Variants in TBC1D4 observed in about 807,000 individuals in gnomAD.
TBC1D4 encodes the protein TBC (Tre-2, BUB2, CDC16) domain-containing protein.
A neutral mutation model predicts 142.5 loss-of-function variants in TBC1D4; 121 were observed. The ratio of observed to expected loss-of-function variants is 0.85; its 90% CI spans 0.73 to 0.99. The LOEUF (loss-of-function observed/expected upper bound fraction) is 0.99. Ranked by LOEUF, TBC1D4 falls within the 50% of genes least tolerant of loss-of-function variation. The pLI is 0.00. For synonymous variants in TBC1D4, 630 were observed against 628.2 expected (o/e 1.00, Z -0.04); for missense variants, 1,475 against 1,606.6 (o/e 0.92, Z 1.40).
At chr13:75,407,287 A>C (rs531662782) in intron 1 of TBC1D4, among the ~76,000 whole-genome samples, 5 of 152,334 alleles carry the variant, frequency 3.3e-5, no homozygotes, top group African/African-American at 1.2e-4. Flanking sequence ...CTAATAGACC[A>C]AGAGTTCTTT....
At chr13:75,424,100 A>C (rs117045933) in intron 1 of TBC1D4, among the ~76,000 whole-genome samples, 298 of 152,254 alleles carry the variant, frequency 2.0e-3, no homozygotes, top group Non-Finnish European at 3.6e-3. Context: ...TTATCTCTAC[A>C]AAACAATTTA....
intron 16 of TBC1D4, among the ~76,000 whole-genome samples, chr13:75,300,220 G>T (rs1360178521): frequency 6.6e-6 from 1 of 152,034 alleles, no homozygotes; most frequent in East Asian, 1.9e-4. Flanking sequence ...GGAAAATAAA[G>T]GGTCAAGTCA....
intron 12 of TBC1D4, among the ~76,000 whole-genome samples, chr13:75,319,453 T>C (rs9573522): frequency 0.32 from 48,439 of 152,108 alleles, 8,867 homozygotes; most frequent in Non-Finnish European, 0.42. Context: ...AACACAGATG[T>C]GGTCAAACTT....
chr13:75,363,911 A>C (rs1479963974), intron 1 of TBC1D4, among the ~76,000 whole-genome samples: 1 of 152,240 alleles, frequency 6.6e-6, no homozygotes. Context: ...TTATTTTGCC[A>C]AGGTTAAGGG....
At chr13:75,380,131 G>A (rs1442383084) in intron 1 of TBC1D4, among the ~76,000 whole-genome samples, 8 of 150,794 alleles carry the variant, frequency 5.3e-5, no homozygotes, top group African/African-American at 1.5e-4. Flanking sequence ...CACCCGCCTC[G>A]GCTTCCCAAA....
intron 1 of TBC1D4, among the ~76,000 whole-genome samples, chr13:75,444,101 A>G (rs1162268092): frequency 1.3e-5 from 2 of 152,172 alleles, no homozygotes; most frequent in Admixed American, 6.5e-5. Flanking sequence ...GGAAAAATGT[A>G]GCTGTAAGAA....
chr13:75,345,904 G>GT (rs900650812), intron 5 of TBC1D4, among the ~76,000 whole-genome samples: 20 of 152,114 alleles, frequency 1.3e-4, no homozygotes, highest in African/African-American at 3.9e-4. Flanking sequence ...TAAAACTTCT[G>GT]TTTTGTATTA....
chr13:75,442,662 C>A (rs772800188), intron 1 of TBC1D4, among the ~76,000 whole-genome samples: 22 of 151,820 alleles, frequency 1.4e-4, no homozygotes, highest in Non-Finnish European at 2.5e-4. Flanking sequence ...ACCTGTAATC[C>A]CAGCTACCTG....
At position 75,362,324 on chromosome 13, in the gene TBC1D4, C is replaced by T. The variant is rs544873334; in HGVS notation, c.782G>A (p.Gly261Glu). ...DLADLEVVVP[G>E]SPGDCLPEEA... ...CTCCGGCAGGCAGTCTCCGGGGGAC[C>T]CGGGCACCACCACCTCCAAGTCAGC... Residue 261 changes from glycine to glutamate, a missense_variant, in exon 2 of 21, where the codon GGG becomes GAG. Gly to Glu is a moderately conservative substitution (Grantham distance 98). Transcript: ENST00000377636. The surrounding 1 kb of genome is among the most constrained non-coding windows in gnomAD (Gnocchi z 4.2). 2 of 1,613,902 alleles carry T rather than the reference C, an allele frequency of 1.2e-6. No homozygotes were observed. The highest frequency in any genetic ancestry group is 1.6e-4 in the Middle Eastern group (1 of 6,084).
At chr13:75,336,336 G>T (rs1880194868) in intron 8 of TBC1D4, among the ~76,000 whole-genome samples, 1 of 151,922 alleles carries the variant, frequency 6.6e-6, no homozygotes, top group African/African-American at 2.4e-5. Flanking sequence ...GACAGAGATT[G>T]CAGTAAGCTG....
chr13:75,462,543 GAA>G lies in TBC1D4; in HGVS notation c.498+18725_498+18726del, dbSNP rs34901787. On this transcript the variant is annotated intron_variant, in intron 1 of 20. Transcript: ENST00000377636. ...GAGGGTGGAGGGTAGAGGGAAAAAG[GAA>G]AAAAAAAAAAAAGATTTGACAAAGC... Among the ~76,000 whole-genome samples the G allele has an allele frequency of 2.1e-3, 310 of 146,090 alleles. 1 individual carries two copies. Among genetic ancestry groups the G allele is most frequent in the Middle Eastern group, 0.011 (3 of 284 alleles).
At chr13:75,383,311 A>T (rs1883967017) in intron 1 of TBC1D4, among the ~76,000 whole-genome samples, 1 of 152,220 alleles carries the variant, frequency 6.6e-6, no homozygotes, top group African/African-American at 2.4e-5. Flanking sequence ...CAACAGAGTG[A>T]GACCTTGTCT....
chr13:75,408,843 G>A (rs1885462352), intron 1 of TBC1D4, among the ~76,000 whole-genome samples: 1 of 152,098 alleles, frequency 6.6e-6, no homozygotes, highest in Non-Finnish European at 1.5e-5. Context: ...CATTTTTAAT[G>A]TGCTTATTGA....
chr13:75,382,980 T>C (rs1439462542), intron 1 of TBC1D4, among the ~76,000 whole-genome samples: 1 of 152,212 alleles, frequency 6.6e-6, no homozygotes, highest in African/African-American at 2.4e-5. Context: ...TAGAATTCTA[T>C]CTCTGTATAC....
intron 20 of TBC1D4, 104 bp from the exon 21 acceptor site, chr13:75,287,129 A>T: frequency 3.1e-6 from 3 of 973,770 alleles, no homozygotes; most frequent in Non-Finnish European, 4.8e-6. Context: ...ATAAAATATT[A>T]TGTGAAGCAA....
intron 1 of TBC1D4, among the ~76,000 whole-genome samples, chr13:75,470,027 G>C (rs1457495799): frequency 6.6e-6 from 1 of 152,100 alleles, no homozygotes; most frequent in Non-Finnish European, 1.5e-5. Context: ...AAGGACATGG[G>C]GTTTGGAATC....
intron 1 of TBC1D4, among the ~76,000 whole-genome samples, chr13:75,438,691 T>G (rs922573897): frequency 1.3e-5 from 2 of 152,208 alleles, no homozygotes; most frequent in African/African-American, 4.8e-5. Flanking sequence ...GTGTGTCTCT[T>G]CACTTATTTT....
At chr13:75,395,959 T>C (rs1157641671) in intron 1 of TBC1D4, among the ~76,000 whole-genome samples, 6 of 152,356 alleles carry the variant, frequency 3.9e-5, no homozygotes, top group Admixed American at 3.9e-4. Flanking sequence ...TCTTTATTTA[T>C]AAGCAGGATC....
At chr13:75,429,195 T>C (rs1330369686) in intron 1 of TBC1D4, among the ~76,000 whole-genome samples, 2 of 152,194 alleles carry the variant, frequency 1.3e-5, no homozygotes, top group Non-Finnish European at 2.9e-5. Context: ...AGCATATCTT[T>C]CTGGTAACAA....
Sources: allele counts gnomAD v4.1 joint callset (sites outside exome capture counted in the v4.1 genomes callset), GRCh38; gene constraint gnomAD v4.1.1; non-coding constraint Gnocchi (gnomAD v3.1); transcripts MANE v1.5; gene names NCBI Gene and HGNC (gene_info 2026-07-23, HGNC 2026-07-21).